The following SNX13 variants were observed in gnomAD, a reference collection of about 807,000 sequenced individuals.
SNX13 encodes the protein sorting nexin 13.
A neutral mutation model predicts 133.6 loss-of-function variants in SNX13; 45 were observed. The ratio of observed to expected loss-of-function variants is 0.34; its 90% CI spans 0.27 to 0.43. The LOEUF (loss-of-function observed/expected upper bound fraction) is 0.43. Among genes scored for constraint, SNX13 ranks in the 20% least tolerant of loss-of-function variants. SNX13 has a pLI of 1.00. For missense variants in SNX13, 1,032 were observed against 1,145.1 expected, an observed-to-expected ratio of 0.90 and a Z score of 1.43; for synonymous variants, 414 against 373.9, an observed-to-expected ratio of 1.11 and a Z score of -1.24.
At chr7:17,868,294 T>A in intron 9 of SNX13, 113 bp downstream of exon 9, 2 of 776,806 alleles carry the variant, frequency 2.6e-6, no homozygotes, top group East Asian at 5.7e-5. Flanking sequence ...TTCAGAAACA[T>A]TTTTACTTAA....
chr7:17,868,247 T>G, intron 9 of SNX13, 160 bp downstream of exon 9: 1 of 610,084 alleles, frequency 1.6e-6, no homozygotes, highest in South Asian at 2.3e-5. Context: ...ACATTCAAAA[T>G]ATAAGCAAAT....
intron 7 of SNX13, among the ~76,000 whole-genome samples, chr7:17,874,873 T>G (rs1794537237): frequency 6.6e-6 from 1 of 152,318 alleles, no homozygotes; most frequent in African/African-American, 2.4e-5. Flanking sequence ...ATCATTCCCT[T>G]AGGAAATATT....
At chr7:17,870,487 A>C (rs569193180) in intron 8 of SNX13, among the ~76,000 whole-genome samples, 4 of 152,336 alleles carry the variant, frequency 2.6e-5, no homozygotes, top group African/African-American at 9.6e-5. Context: ...AAGTAATAAA[A>C]TACCGGCCTA....
At chr7:17,885,980 T>C (rs1261072336) in intron 5 of SNX13, among the ~76,000 whole-genome samples, 2 of 152,190 alleles carry the variant, frequency 1.3e-5, no homozygotes, top group Admixed American at 1.3e-4. Context: ...CCAAATTTCA[T>C]ATAGCAAAGA....
At position 17,833,241 on chromosome 7, in the gene SNX13, G is replaced by A. The variant is rs149427009; in HGVS notation, c.1597+811C>T. On this transcript the variant is annotated intron_variant, in intron 15 of 25. Coordinates refer to ENST00000428135, the MANE Select transcript of SNX13 (RefSeq NM_015132.5). Reference sequence around the variant, plus strand: ...AGAATTTGGAAGCTTGTGTTCTAAAGGCTATCCCTCCCACTATTCTTATAT... The same window carrying A: ...AGAATTTGGAAGCTTGTGTTCTAAAAGCTATCCCTCCCACTATTCTTATAT... Among the ~76,000 whole-genome samples the A allele has an allele frequency of 1.6e-3, 247 of 151,666 alleles. 2 individuals carry two copies. Among genetic ancestry groups the A allele is most frequent in the Admixed American group, 0.014 (206 of 15,188 alleles).
intron 8 of SNX13, among the ~76,000 whole-genome samples, chr7:17,871,248 G>A (rs1353990223): frequency 2.6e-5 from 4 of 152,140 alleles, no homozygotes; most frequent in South Asian, 2.1e-4. Context: ...CTCGTGATCC[G>A]CCCACCTTGG....
chr7:17,805,257 G>GCGCGCGCGCGCA (rs1022329928), intron 20 of SNX13, among the ~76,000 whole-genome samples: 1 of 146,906 alleles, frequency 6.8e-6, no homozygotes, highest in African/African-American at 2.6e-5. Flanking sequence ...GTGTGCGTGC[G>GCGCGCGCGCGCA]CGCGCGCGCA....
chr7:17,829,605 T>C (rs895003095), intron 16 of SNX13, among the ~76,000 whole-genome samples: 1 of 151,430 alleles, frequency 6.6e-6, no homozygotes, highest in Non-Finnish European at 1.5e-5. Flanking sequence ...TAGTTTTGTA[T>C]TTCTTTCTAA....
chr7:17,827,427 G>T (rs1335479014), intron 16 of SNX13, among the ~76,000 whole-genome samples: 1 of 151,928 alleles, frequency 6.6e-6, no homozygotes, highest in Non-Finnish European at 1.5e-5. Context: ...TACTAAAAGG[G>T]TCATCTAAAT....
intron 5 of SNX13, chr7:17,882,453 T>C (rs1217447755): frequency 6.6e-6 from 1 of 152,218 alleles, no homozygotes; most frequent in African/African-American, 2.4e-5. Context: ...GATTAGTAAA[T>C]GTATTTTATG....
At chr7:17,878,388 A>G (rs1229113380) in intron 5 of SNX13, among the ~76,000 whole-genome samples, 1 of 152,212 alleles carries the variant, frequency 6.6e-6, no homozygotes, top group African/African-American at 2.4e-5. Flanking sequence ...GCTTGAAAAC[A>G]TTTATAGTAG....
chr7:17,830,273 G>C, intron 15 of SNX13: 1 of 983,644 alleles, frequency 1.0e-6, no homozygotes, highest in Non-Finnish European at 1.2e-6. Flanking sequence ...GTACCTGATA[G>C]CTGGCCAAAA....
intron 3 of SNX13, among the ~76,000 whole-genome samples, chr7:17,892,572 G>A (rs910457212): frequency 6.6e-6 from 1 of 151,452 alleles, no homozygotes; most frequent in Admixed American, 6.6e-5. Context: ...AAAAGTTTAA[G>A]TATTAAAAAA....
chr7:17,871,881 C>A (rs1375406025), intron 8 of SNX13, among the ~76,000 whole-genome samples: 1 of 152,162 alleles, frequency 6.6e-6, no homozygotes, highest in African/African-American at 2.4e-5. Context: ...TAAGGCCACA[C>A]TACATGCGAA....
intron 5 of SNX13, 96 bp downstream of exon 5, chr7:17,890,267 T>C: frequency 8.2e-7 from 1 of 1,220,902 alleles, no homozygotes; most frequent in South Asian, 1.8e-5. Context: ...CTACTTACCT[T>C]TTAATAAACA....
intron 11 of SNX13, among the ~76,000 whole-genome samples, chr7:17,850,116 A>G (rs1791033105): frequency 6.6e-6 from 1 of 152,228 alleles, no homozygotes; most frequent in Non-Finnish European, 1.5e-5. Context: ...ATCAAGGAAT[A>G]AAATAAAATC....
intron 11 of SNX13, among the ~76,000 whole-genome samples, chr7:17,848,673 G>A (rs946603341): frequency 1.3e-5 from 2 of 152,216 alleles, no homozygotes; most frequent in African/African-American, 4.8e-5. Flanking sequence ...GCGAGGGGTG[G>A]AATACAGTGG....
intron 16 of SNX13, among the ~76,000 whole-genome samples, chr7:17,827,250 C>A (rs1006281366): frequency 6.6e-6 from 1 of 151,950 alleles, no homozygotes; most frequent in Non-Finnish European, 1.5e-5. Context: ...AATCACTGAG[C>A]CTGGGAGTGG....
intron 5 of SNX13, among the ~76,000 whole-genome samples, chr7:17,877,640 A>G (rs1794874033): frequency 2.0e-5 from 3 of 152,238 alleles, no homozygotes; most frequent in Admixed American, 2.0e-4. Flanking sequence ...AATAAATTTT[A>G]CCAATTTAGA....
Sources: gnomAD v4.1 joint callset for allele counts (sites outside exome capture counted in the v4.1 genomes callset) on GRCh38, gnomAD v4.1.1 for gene constraint, MANE v1.5 for transcripts, NCBI Gene and HGNC (gene_info 2026-07-23, HGNC 2026-07-21) for gene names.